MEGF11: variants seen among roughly 807,000 people sequenced by gnomAD.
The protein encoded by MEGF11 is multiple epidermal growth factor-like domains protein 11.
Under a neutral mutation model 146.6 loss-of-function variants are expected in MEGF11, and 126 were observed. The ratio of observed to expected loss-of-function variants is 0.86; its 90% CI spans 0.74 to 1.00. The LOEUF (loss-of-function observed/expected upper bound fraction) is 1.00, where lower values mean the gene tolerates loss of function less well. MEGF11 is among the 50% of genes least tolerant of loss of function. The probability of loss-of-function intolerance (pLI) is 0.00; values close to 1 mark genes in which losing one functional copy is unlikely to be tolerated. For synonymous variants in MEGF11, 532 were observed against 583.4 expected (o/e 0.91, Z 1.27); for missense variants, 1,509 against 1,521.2 (o/e 0.99, Z 0.13).
chr15:66,227,023 G>T (rs2091867833), intron 1 of MEGF11, among the ~76,000 whole-genome samples: 3 of 152,172 alleles, frequency 2.0e-5, no homozygotes, highest in Admixed American at 2.0e-4. Context: ...CCAGGGAGGT[G>T]GTGTGAGGCG....
chr15:65,965,737 A>C (rs8037044), intron 8 of MEGF11, among the ~76,000 whole-genome samples: 17,593 of 150,660 alleles, frequency 0.12, 1,166 homozygotes, highest in Middle Eastern at 0.22. Context: ...CTTGATCTTG[A>C]ACTTCTCAGC....
intron 1 of MEGF11, among the ~76,000 whole-genome samples, chr15:66,158,830 C>T (rs910000023): frequency 6.6e-6 from 1 of 152,206 alleles, no homozygotes; most frequent in Non-Finnish European, 1.5e-5. Flanking sequence ...CCACATGAAC[C>T]CACATTTTAA....
At chr15:66,219,866 G>T (rs1346989700) in intron 1 of MEGF11, among the ~76,000 whole-genome samples, 1 of 152,162 alleles carries the variant, frequency 6.6e-6, no homozygotes, top group African/African-American at 2.4e-5. Context: ...GTCCTCCAAT[G>T]GGTGAATGGT....
chr15:66,217,915 C>T (rs906713999), intron 1 of MEGF11, among the ~76,000 whole-genome samples: 29 of 152,174 alleles, frequency 1.9e-4, no homozygotes, highest in African/African-American at 7.0e-4. Flanking sequence ...GGTCCCTGTC[C>T]CTATTCACCC....
intron 5 of MEGF11, among the ~76,000 whole-genome samples, chr15:65,993,746 G>T (rs2082122932): frequency 6.6e-6 from 1 of 152,190 alleles, no homozygotes; most frequent in Admixed American, 6.5e-5. Flanking sequence ...AGTCGGAGTG[G>T]GCAACGGCAC....
chr15:66,035,609 T>G (rs2083697407), intron 5 of MEGF11, among the ~76,000 whole-genome samples: 1 of 152,200 alleles, frequency 6.6e-6, no homozygotes, highest in Non-Finnish European at 1.5e-5. Flanking sequence ...TCCTTATGCA[T>G]TTCTATGGTG....
At chr15:66,186,852 A>C (rs1357704988) in intron 1 of MEGF11, among the ~76,000 whole-genome samples, 1 of 152,262 alleles carries the variant, frequency 6.6e-6, no homozygotes, top group Non-Finnish European at 1.5e-5. Context: ...AAAAGTCAAG[A>C]AACTTGCCCA....
At chr15:66,078,766 C>T (rs941581148) in intron 5 of MEGF11, among the ~76,000 whole-genome samples, 6 of 152,212 alleles carry the variant, frequency 3.9e-5, no homozygotes. Flanking sequence ...GCTGGGCTCC[C>T]GCCACTCTAT....
intron 5 of MEGF11, among the ~76,000 whole-genome samples, chr15:65,994,646 G>T (rs911384344): frequency 6.6e-6 from 1 of 152,160 alleles, no homozygotes; most frequent in African/African-American, 2.4e-5. Flanking sequence ...AGCCAGAAGG[G>T]GGCCGTGGGC....
rs555396587 is a variant in MEGF11, at chr15:66,136,270, G to A, written c.-8-7859C>T. 4.6e-4 allele frequency among the ~76,000 whole-genome samples: 70 copies of A among 152,300 alleles called. 2 individuals are homozygous for A. The highest frequency in any genetic ancestry group is 1.6e-3 in the African/African-American group (65 of 41,570). On this transcript the variant is annotated intron_variant, in intron 1 of 25. Coordinates refer to ENST00000395614, the MANE Select transcript of MEGF11 (RefSeq NM_001385028.1). The stretch of plus-strand genomic sequence containing the variant: ...GGAGATCAGTATTGCTGTCGTGGTC[G>A]GGATCCTTAGTTGCTGCCCACCTCT...
At chr15:66,049,444 C>T (rs1264454875) in intron 5 of MEGF11, among the ~76,000 whole-genome samples, 1 of 152,162 alleles carries the variant, frequency 6.6e-6, no homozygotes, top group African/African-American at 2.4e-5. Flanking sequence ...CTTCTGCCTG[C>T]CTTCACTGGG....
intron 1 of MEGF11, among the ~76,000 whole-genome samples, chr15:66,170,992 G>A (rs962703437): frequency 4.6e-5 from 7 of 152,208 alleles, no homozygotes; most frequent in Non-Finnish European, 8.8e-5. Context: ...CCATGTCCTC[G>A]CTCAGCTCCT....
At chr15:66,230,291 C>T (rs928640984) in intron 1 of MEGF11, among the ~76,000 whole-genome samples, 1 of 152,164 alleles carries the variant, frequency 6.6e-6, no homozygotes, top group African/African-American at 2.4e-5. Context: ...CACGGTTCCA[C>T]CAGGAACTGT....
At chr15:65,919,374 C>T (rs2079102757) in intron 15 of MEGF11, among the ~76,000 whole-genome samples, 2 of 152,224 alleles carry the variant, frequency 1.3e-5, no homozygotes, top group Non-Finnish European at 2.9e-5. Flanking sequence ...GGTTTGGTTC[C>T]AGACCACTGC....
chr15:66,103,556 A>G (rs1192270923), intron 4 of MEGF11, among the ~76,000 whole-genome samples: 2 of 152,134 alleles, frequency 1.3e-5, no homozygotes, highest in South Asian at 2.1e-4. Flanking sequence ...AGGAGGAGGA[A>G]GAGGGAAAGA....
At chr15:66,206,259 A>C (rs143016339) in intron 1 of MEGF11, among the ~76,000 whole-genome samples, 1 of 152,348 alleles carries the variant, frequency 6.6e-6, no homozygotes, top group African/African-American at 2.4e-5. Flanking sequence ...GACTTGAAAA[A>C]AATGCAGCTT....
At chr15:66,001,463 G>A (rs984001052) in intron 5 of MEGF11, among the ~76,000 whole-genome samples, 114 of 152,204 alleles carry the variant, frequency 7.5e-4, no homozygotes, top group African/African-American at 2.6e-3. Flanking sequence ...GCCAAGCATC[G>A]GGTTCCCTGG....
In MEGF11 at chr15:65,995,939, A is replaced by G. The variant is rs187658198; in HGVS notation, c.395-13451T>C. ...TAGTATCTTACTGTACCCTTCCATCATCTCCATTTATAGATGAGCAAACTG... is the reference window on the plus strand; with the variant it reads ...TAGTATCTTACTGTACCCTTCCATCGTCTCCATTTATAGATGAGCAAACTG... On this transcript the variant is annotated intron_variant, in intron 5 of 25. Transcript: ENST00000395614. 2.0e-5 allele frequency among the ~76,000 whole-genome samples: 3 copies of G among 152,168 alleles called. No individual in the cohort carries two copies. The East Asian group carries it at 5.8e-4, about 29-fold the overall frequency.
At chr15:65,949,143 C>G (rs1301675547) in intron 10 of MEGF11, among the ~76,000 whole-genome samples, 2 of 152,192 alleles carry the variant, frequency 1.3e-5, no homozygotes, top group Non-Finnish European at 2.9e-5. Flanking sequence ...GCATTCTCTA[C>G]TGGTCACACT....
Sources: allele counts gnomAD v4.1 joint callset (sites outside exome capture counted in the v4.1 genomes callset), GRCh38; gene constraint gnomAD v4.1.1; transcripts MANE v1.5; gene names NCBI Gene and HGNC (gene_info 2026-07-23, HGNC 2026-07-21).